The following HSD17B4 variants were observed in gnomAD, a reference collection of about 807,000 sequenced individuals.
The protein encoded by HSD17B4 is hydroxysteroid 17-beta dehydrogenase 4, also known as peroxisomal multifunctional enzyme type 2.
In HSD17B4, 70 loss-of-function variants were observed where a neutral mutation model predicts 101.0. The observed-to-expected ratio is 0.69, with a 90% confidence interval of 0.57 to 0.85. The LOEUF (loss-of-function observed/expected upper bound fraction) is 0.85, where lower values mean the gene tolerates loss of function less well. HSD17B4 is among the 40% of genes least tolerant of loss of function. The pLI, the probability that HSD17B4 is intolerant of heterozygous loss-of-function variation, is 0.00. For synonymous variants in HSD17B4, 347 were observed against 297.1 expected, an observed-to-expected ratio of 1.17 and a Z score of -1.73; for missense variants, 984 against 892.4, an observed-to-expected ratio of 1.10 and a Z score of -1.31.
intron 16 of HSD17B4, among the ~76,000 whole-genome samples, chr5:119,510,754 C>G (rs1752094342): frequency 6.6e-6 from 1 of 152,214 alleles, no homozygotes; most frequent in Non-Finnish European, 1.5e-5. Flanking sequence ...TGTTCTTCCT[C>G]TCCTGGCTGA....
chr5:119,475,309 T>G (rs1475332162), intron 4 of HSD17B4, among the ~76,000 whole-genome samples: 1 of 129,738 alleles, frequency 7.7e-6, no homozygotes, highest in Admixed American at 7.0e-5. Flanking sequence ...CTTTTTGGAC[T>G]TTTTACTTTT....
At chr5:119,490,323 A>T (rs1424340899) in intron 9 of HSD17B4, among the ~76,000 whole-genome samples, 1 of 152,130 alleles carries the variant, frequency 6.6e-6, no homozygotes, top group Admixed American at 6.6e-5. Context: ...TGTAATTCAG[A>T]ATTTTGCCTG....
intron 14 of HSD17B4, among the ~76,000 whole-genome samples, chr5:119,505,936 T>C (rs992207764): frequency 1.3e-5 from 2 of 152,124 alleles, no homozygotes; most frequent in Non-Finnish European, 2.9e-5. Context: ...GTATCAAATA[T>C]TGATGTTTGA....
intron 21 of HSD17B4, 103 bp from the exon 22 acceptor site, chr5:119,531,163 A>T: frequency 8.8e-7 from 1 of 1,135,230 alleles, no homozygotes; most frequent in Non-Finnish European, 1.3e-6. Context: ...TGACTTATGT[A>T]CAGAGTTTTA....
chr5:119,497,181 C>G (rs1360855928), intron 12 of HSD17B4, among the ~76,000 whole-genome samples: 2 of 143,094 alleles, frequency 1.4e-5, no homozygotes, highest in South Asian at 2.2e-4. Context: ...ATACTCCTTA[C>G]TTGCATATAA....
Position 119,478,894 on chromosome 5 carries a change from T to G in HSD17B4, c.495T>G (p.Ser165Arg). Residue 165 changes from serine (S) to arginine (R), a missense_variant, in exon 8 of 24, where the codon AGT (serine) becomes AGG (arginine). Coordinates refer to ENST00000510025, the MANE Select transcript of HSD17B4 (RefSeq NM_000414.4). ...GCAACTTTGGCCAGGCCAATTATAG[T>G]GCTGCAAAGTTGGGTCTTCTGGGCC... ...IYGNFGQANY[S>R]AAKLGLLGLA... 2 of 1,613,666 alleles carry G rather than the reference T, an allele frequency of 1.2e-6. No homozygotes were observed. Among genetic ancestry groups the G allele is most frequent in the Non-Finnish European group, 1.7e-6 (2 of 1,179,676 alleles).
intron 1 of HSD17B4, among the ~76,000 whole-genome samples, chr5:119,455,427 C>T (rs568934279): frequency 6.6e-6 from 1 of 152,046 alleles, no homozygotes; most frequent in East Asian, 1.9e-4. Context: ...TGAGGCAGGA[C>T]AATCACCTGA....
At chr5:119,455,583 T>TAA (rs1554059895) in intron 1 of HSD17B4, among the ~76,000 whole-genome samples, 15 of 150,706 alleles carry the variant, frequency 1.0e-4, no homozygotes, top group East Asian at 2.0e-4. Flanking sequence ...TATATATATA[T>TAA]AATTTCTTTT....
intron 11 of HSD17B4, among the ~76,000 whole-genome samples, chr5:119,494,973 T>C (rs1017576407): frequency 1.4e-4 from 22 of 152,088 alleles, no homozygotes; most frequent in African/African-American, 5.3e-4. Context: ...AGAAAAACTT[T>C]TTTTTCTCAT....
At chr5:119,505,232 C>T (rs961882877) in intron 14 of HSD17B4, among the ~76,000 whole-genome samples, 2 of 151,354 alleles carry the variant, frequency 1.3e-5, no homozygotes, top group Admixed American at 1.3e-4. Context: ...TATTCTGGCT[C>T]TTTCTGGTAC....
At chr5:119,480,611 T>G (rs919564512) in intron 8 of HSD17B4, among the ~76,000 whole-genome samples, 2 of 152,144 alleles carry the variant, frequency 1.3e-5, no homozygotes, top group African/African-American at 4.8e-5. Context: ...AAATTAAAAT[T>G]GCTAATGAAG....
intron 2 of HSD17B4, among the ~76,000 whole-genome samples, chr5:119,467,195 G>T (rs986893843): frequency 1.3e-5 from 2 of 152,210 alleles, no homozygotes. Flanking sequence ...CTTATGGTCT[G>T]TTGCGGAGAA....
rs564951451 is a variant in HSD17B4, at chr5:119,456,419, A to G, written c.112+51A>G. The stretch of plus-strand genomic sequence containing the variant: ...ATCTGTAGCTGATAACTGAAATACA[A>G]TCTTTACAAGCTATCTTTGTCTTTC... On this transcript the variant is annotated intron_variant, in intron 2 of 23. Coordinates refer to ENST00000510025, the MANE Select transcript of HSD17B4 (RefSeq NM_000414.4). 31 of 1,032,342 alleles carry G rather than the reference A, an allele frequency of 3.0e-5. 1 individual carries two copies. The highest frequency in any genetic ancestry group is 4.1e-4 in the Middle Eastern group (2 of 4,920). 63.9% of individuals were successfully genotyped at this position (1,032,342 alleles called of 1,614,324 possible).
intron 2 of HSD17B4, among the ~76,000 whole-genome samples, chr5:119,469,893 G>A (rs1252763639): frequency 6.6e-6 from 1 of 152,170 alleles, no homozygotes; most frequent in African/African-American, 2.4e-5. Flanking sequence ...TGACTTTGGG[G>A]TTTGTGGAGA....
At chr5:119,509,103 G>A (rs755732236) in intron 15 of HSD17B4, 38 bp from the exon 16 acceptor site, 16 of 1,150,532 alleles carry the variant, frequency 1.4e-5, no homozygotes, top group Non-Finnish European at 2.0e-5. Flanking sequence ...GCCTTTTGGT[G>A]GTAACTTCTT....
At chr5:119,508,366 G>A (rs527746806) in intron 15 of HSD17B4, among the ~76,000 whole-genome samples, 1 of 152,284 alleles carries the variant, frequency 6.6e-6, no homozygotes, top group East Asian at 1.9e-4. Context: ...TGGTTATTCA[G>A]TTGCCTATGT....
At chr5:119,455,043 T>G (rs1323544072) in intron 1 of HSD17B4, among the ~76,000 whole-genome samples, 1 of 152,244 alleles carries the variant, frequency 6.6e-6, no homozygotes, top group Non-Finnish European at 1.5e-5. Flanking sequence ...CAATGAAATT[T>G]ATCAATTAAC....
intron 14 of HSD17B4, among the ~76,000 whole-genome samples, chr5:119,502,917 A>G (rs1751303687): frequency 6.6e-6 from 1 of 152,188 alleles, no homozygotes; most frequent in African/African-American, 2.4e-5. Flanking sequence ...GTGATTGTGC[A>G]TTGATCAAAT....
At chr5:119,535,137 A>C (rs563977840) in intron 22 of HSD17B4, among the ~76,000 whole-genome samples, 1 of 152,198 alleles carries the variant, frequency 6.6e-6, no homozygotes, top group African/African-American at 2.4e-5. Flanking sequence ...AGTAACTTGC[A>C]GACATGATGT....
Sources: allele counts gnomAD v4.1 joint callset (sites outside exome capture counted in the v4.1 genomes callset), GRCh38; gene constraint gnomAD v4.1.1; transcripts MANE v1.5; gene names NCBI Gene and HGNC (gene_info 2026-07-23, HGNC 2026-07-21).